Variants in UNC119B observed in about 807,000 individuals in gnomAD.
UNC119B encodes the protein unc-119 lipid binding chaperone B.
Under a neutral mutation model 23.4 loss-of-function variants are expected in UNC119B, and 16 were observed. The observed-to-expected ratio is 0.68, with a 90% CI of 0.46 to 1.04. The LOEUF (loss-of-function observed/expected upper bound fraction) is 1.04, where lower values mean the gene tolerates loss of function less well. Ranked by LOEUF, UNC119B falls within the 50% of genes least tolerant of loss-of-function variation. The probability of loss-of-function intolerance (pLI) is 0.00; values close to 1 mark genes in which losing one functional copy is unlikely to be tolerated. For missense variants in UNC119B, 350 were observed against 361.3 expected, an observed-to-expected ratio of 0.97 and a Z score of 0.25; for synonymous variants, 144 against 145.4, an observed-to-expected ratio of 0.99 and a Z score of 0.07.
chr12:120,715,232 T>C (rs1024068308), intron 2 of UNC119B, among the ~76,000 whole-genome samples: 9 of 152,164 alleles, frequency 5.9e-5, no homozygotes, highest in South Asian at 2.1e-4. Context: ...ATCCTCACAC[T>C]GAATCACTAC....
chr12:120,710,999 G>A, intron 1 of UNC119B: 1 of 276,476 alleles, frequency 3.6e-6, no homozygotes. Flanking sequence ...ACCTGTTTGG[G>A]TAGAGGGCCC....
At chr12:120,719,369 A>G (rs11834085) in intron 4 of UNC119B, among the ~76,000 whole-genome samples, 3,337 of 152,290 alleles carry the variant, frequency 0.022, 117 homozygotes, top group African/African-American at 0.076. Flanking sequence ...TTGCTGAATC[A>G]TTTGCGAGTT....
chr12:120,710,557 A>G lies in UNC119B; in HGVS notation c.83A>G (p.Lys28Arg). 1 of 1,394,754 alleles carries G rather than the reference A, an allele frequency of 7.2e-7. No individual in the cohort carries two copies. Among genetic ancestry groups the G allele is most frequent in the Non-Finnish European group, 9.2e-7 (1 of 1,081,866 alleles). The allele number at this position is 1,394,754 out of a possible 1,614,324, so 86.4% of individuals were successfully genotyped here. The change falls in exon 1 of 5, where the codon AAG becomes AGG. Residue 28 changes from lysine (K) to arginine (R), a missense_variant. Lys to Arg is a conservative substitution (Grantham distance 26). Transcript: ENST00000344651. The stretch of plus-strand genomic sequence containing the variant: ...CTGGTGGCTGGCAAGGAGGAGAAGA[A>G]GAAGGCGGGCGGCGGCGTCCTGAAC... The part of the protein sequence containing the change: ...GGLVAGKEEK[K>R]KAGGGVLNRL...
At position 120,720,147 on chromosome 12, in the gene UNC119B, C is replaced by A; in HGVS notation, c.*115C>A. Reference sequence around the variant, plus strand: ...CATCTGGAACCTGGCCCCAGGAAGCCAAGGCTGGGGTGGCAGTTTCCTGCG... The same window carrying A: ...CATCTGGAACCTGGCCCCAGGAAGCAAAGGCTGGGGTGGCAGTTTCCTGCG... On this transcript the variant is annotated 3_prime_UTR_variant, in exon 5 of 5. Coordinates refer to ENST00000344651, the MANE Select transcript of UNC119B (RefSeq NM_001080533.3). 1.3e-6 allele frequency: 1 copy of A among 776,792 alleles called. No individual in the cohort carries two copies. 48.1% of individuals were successfully genotyped at this position (776,792 alleles called of 1,614,324 possible). A position where few individuals can be genotyped will look rare whatever the true frequency, so the allele number is the denominator to read the frequency against.
rs1158775515 is a variant in UNC119B at position 120,716,924 on chromosome 12, G to A, written c.525G>A (p.Arg175=). 4.3e-6 allele frequency: 7 copies of A among 1,613,678 alleles called. No individual in the cohort carries two copies. The highest frequency in any genetic ancestry group is 5.9e-6 in the Non-Finnish European group (7 of 1,179,750). The part of the protein sequence containing the change: ...KPVSNFRMIE[R]HYFREHLLKN... ...TTTCAAACTTCCGGATGATCGAACG[G>A]CACTATTTCCGGGAACACTTGCTGA... Residue 175 remains arginine, a synonymous_variant, in exon 4 of 5, where the codon CGG becomes CGA. Transcript: ENST00000344651.
chr12:120,710,982 C>T (rs1882653115), intron 1 of UNC119B: 1 of 300,504 alleles, frequency 3.3e-6, no homozygotes, highest in African/African-American at 2.2e-5. Flanking sequence ...CTCCCCAGCT[C>T]TGCCGGACCT....
intron 1 of UNC119B, 132 bp downstream of exon 1, chr12:120,710,850 C>A (rs2673615): frequency 3.3e-6 from 3 of 905,698 alleles, no homozygotes; most frequent in Non-Finnish European, 4.3e-6. Flanking sequence ...GCGCTTCCCG[C>A]TGCCCCGCCG....
At chr12:120,714,372 G>A (rs112596485) in intron 2 of UNC119B, among the ~76,000 whole-genome samples, 6,245 of 152,034 alleles carry the variant, frequency 0.041, 180 homozygotes, top group South Asian at 0.1. Context: ...CCAGGCTGGC[G>A]TGCAGTGGCA....
chr12:120,716,755 A>G lies in UNC119B; in HGVS notation c.470+16A>G. ...TCGGGGCTACGTGAGTACCATTACT[A>G]CCTGAGGGGAGAACATTCTGTTTGT... On this transcript the variant is annotated intron_variant, in intron 3 of 4. Transcript: ENST00000344651. 1 of 1,612,366 alleles carries G rather than the reference A, an allele frequency of 6.2e-7. No individual in the cohort carries two copies. Among genetic ancestry groups the G allele is most frequent in the Non-Finnish European group, 8.5e-7 (1 of 1,178,518 alleles).
At chr12:120,712,231 G>A (rs1012551238) in intron 1 of UNC119B, among the ~76,000 whole-genome samples, 7 of 152,140 alleles carry the variant, frequency 4.6e-5, no homozygotes, top group Non-Finnish European at 1.0e-4. Context: ...TTAACGTCTC[G>A]TTCATTCTAT....
At chr12:120,717,360 C>T (rs1882804579) in intron 4 of UNC119B, among the ~76,000 whole-genome samples, 1 of 152,018 alleles carries the variant, frequency 6.6e-6, no homozygotes. Flanking sequence ...ACCTCTGCCT[C>T]CCAGGTTCAA....
At chr12:120,714,691 TCTAAGC>T (rs752827523) in intron 2 of UNC119B, among the ~76,000 whole-genome samples, 15 of 152,246 alleles carry the variant, frequency 9.9e-5, no homozygotes, top group South Asian at 4.1e-4. Flanking sequence ...TGTTCTCATC[TCTAAGC>T]CACATATCAC....
intron 2 of UNC119B, among the ~76,000 whole-genome samples, chr12:120,714,253 T>A (rs1356192725): frequency 6.6e-6 from 1 of 152,208 alleles, no homozygotes; most frequent in Admixed American, 6.5e-5. Context: ...CATAATCTCA[T>A]ACTGACCAAG....
Position 120,721,731 on chromosome 12 carries a change from C to T in UNC119B, c.*1699C>T, listed in dbSNP as rs1882906856. On this transcript the variant is annotated 3_prime_UTR_variant, in exon 5 of 5. Coordinates refer to ENST00000344651, the MANE Select transcript of UNC119B (RefSeq NM_001080533.3). Reference sequence around the variant, plus strand: ...CCCCGAGAGAGGGGAGAGACCATTCCTCCTGTGGAGTGGGTTCCTTATCAC... The same window carrying T: ...CCCCGAGAGAGGGGAGAGACCATTCTTCCTGTGGAGTGGGTTCCTTATCAC... The T allele has an allele frequency of 1.3e-5, 2 of 152,852 alleles. No individual in the cohort carries two copies. The highest frequency in any genetic ancestry group is 3.4e-3 in the Middle Eastern group (1 of 296). The allele number at this position is 152,852 out of a possible 1,614,324, so 9.5% of individuals were successfully genotyped here.
chr12:120,717,193 C>G (rs1592928074), intron 4 of UNC119B, 151 bp downstream of exon 4: 2 of 746,904 alleles, frequency 2.7e-6, no homozygotes, highest in South Asian at 5.2e-5. Flanking sequence ...TTCTCATTTC[C>G]TATTGCTCCT....
Position 120,721,766 on chromosome 12 carries a change from C to T in UNC119B, c.*1734C>T, listed in dbSNP as rs1041148040. 1.3e-5 allele frequency: 2 copies of T among 152,688 alleles called. No individual in the cohort carries two copies. The highest frequency in any genetic ancestry group is 4.8e-5 in the African/African-American group (2 of 41,452). 9.5% of individuals were successfully genotyped at this position (152,688 alleles called of 1,614,324 possible). On this transcript the variant is annotated 3_prime_UTR_variant, in exon 5 of 5. Coordinates refer to ENST00000344651, the MANE Select transcript of UNC119B (RefSeq NM_001080533.3). ...GTGGGTTCCTTATCACCAGACCGGC[C>T]ACTCTCAGAACTGGCGTCCACTGTA...
chr12:120,716,640 A>G lies in UNC119B; in HGVS notation c.371A>G (p.Asp124Gly). The change falls in exon 3 of 5, where the codon GAT (aspartate) becomes GGT (glycine). Residue 124 changes from aspartate to glycine, a missense_variant. Asp to Gly is a moderately conservative substitution (Grantham distance 94, BLOSUM62 -1). Coordinates refer to ENST00000344651, the MANE Select transcript of UNC119B (RefSeq NM_001080533.3). ...AKPCVSDQEEDEEEGGGDVDI... is the reference protein window; with the variant it reads ...AKPCVSDQEEGEEEGGGDVDI... ...TGTGCTCTTTCAGACCAGGAGGAGG[A>G]TGAGGAGGAGGGAGGTGGAGACGTG... 6.2e-7 allele frequency: 1 copy of G among 1,614,112 alleles called. No homozygotes were observed. Among genetic ancestry groups the G allele is most frequent in the South Asian group, 1.1e-5 (1 of 91,070 alleles).
At chr12:120,716,604 T>G (rs1229065652) in intron 2 of UNC119B, 24 bp from the exon 3 acceptor site, 15 of 1,612,978 alleles carry the variant, frequency 9.3e-6, no homozygotes, top group East Asian at 2.2e-5. Context: ...GATGGTGCAC[T>G]GAAGATTCTG....
At position 120,721,380 on chromosome 12, in the gene UNC119B, T is replaced by G. The variant is rs191257822; in HGVS notation, c.*1348T>G. 6.6e-6 allele frequency: 1 copy of G among 152,394 alleles called. No homozygotes were observed. Among genetic ancestry groups the G allele is most frequent in the African/African-American group, 2.4e-5 (1 of 41,572 alleles). 9.4% of individuals were successfully genotyped at this position (152,394 alleles called of 1,614,324 possible). A position where few individuals can be genotyped will look rare whatever the true frequency, so the allele number is the denominator to read the frequency against. On this transcript the variant is annotated 3_prime_UTR_variant, in exon 5 of 5. Coordinates refer to ENST00000344651, the MANE Select transcript of UNC119B (RefSeq NM_001080533.3). ...ACGATTGATGTGGCCAGGGTCCAGT[T>G]AGCATCAGTAGAAGGATGTCACTAG...
Sources: allele counts gnomAD v4.1 joint callset (sites outside exome capture counted in the v4.1 genomes callset), GRCh38; gene constraint gnomAD v4.1.1; transcripts MANE v1.5; gene names NCBI Gene and HGNC (gene_info 2026-07-23, HGNC 2026-07-21).